FHIT: variants seen among roughly 807,000 people sequenced by gnomAD.
FHIT encodes fragile histidine triad diadenosine triphosphatase.
A neutral mutation model predicts 17.9 loss-of-function variants in FHIT; 19 were observed. The observed-to-expected ratio is 1.06, with a 90% CI of 0.74 to 1.56. The LOEUF (loss-of-function observed/expected upper bound fraction) is 1.56. Ranked by LOEUF, FHIT falls within the 40% of genes most tolerant of loss-of-function variation. The probability of loss-of-function intolerance (pLI) is 0.00; values close to 1 mark genes in which losing one functional copy is unlikely to be tolerated. For missense variants in FHIT, 248 were observed against 189.2 expected, an observed-to-expected ratio of 1.31 and a Z score of -1.82; for synonymous variants, 81 against 69.7, an observed-to-expected ratio of 1.16 and a Z score of -0.81.
At chr3:61,239,761 C>CTA (rs1491311135) in intron 1 of FHIT, among the ~76,000 whole-genome samples, 11 of 63,160 alleles carry the variant, frequency 1.7e-4, no homozygotes, top group South Asian at 5.6e-4. Flanking sequence ...AAACAACTGG[C>CTA]CATATATATA....
intron 5 of FHIT, among the ~76,000 whole-genome samples, chr3:60,325,312 T>C (rs1365401944): frequency 6.6e-5 from 10 of 152,192 alleles, no homozygotes; most frequent in Non-Finnish European, 8.8e-5. Context: ...AAGCCTCATA[T>C]TGAGTTTAGA....
intron 5 of FHIT, among the ~76,000 whole-genome samples, chr3:60,340,292 G>A (rs1445295564): frequency 1.3e-5 from 2 of 152,266 alleles, no homozygotes; most frequent in Non-Finnish European, 2.9e-5. Context: ...TAAATAGGAA[G>A]CGAGAAGAAA....
At chr3:60,731,672 T>A (rs1036081906) in intron 4 of FHIT, among the ~76,000 whole-genome samples, 1 of 152,190 alleles carries the variant, frequency 6.6e-6, no homozygotes, top group Non-Finnish European at 1.5e-5. Flanking sequence ...TTAGTGCACA[T>A]ACTTGATCCC....
intron 3 of FHIT, among the ~76,000 whole-genome samples, chr3:60,967,488 T>C (rs1192585726): frequency 6.6e-6 from 1 of 152,178 alleles, no homozygotes; most frequent in Admixed American, 6.5e-5. Flanking sequence ...GATGACTCTT[T>C]GAAAATAATA....
chr3:60,357,096 G>A (rs1699700338), intron 5 of FHIT, among the ~76,000 whole-genome samples: 1 of 152,158 alleles, frequency 6.6e-6, no homozygotes, highest in African/African-American at 2.4e-5. Flanking sequence ...TCCATGATAT[G>A]TTTTGATCTG....
intron 5 of FHIT, among the ~76,000 whole-genome samples, chr3:60,504,226 G>A (rs988894484): frequency 1.3e-5 from 2 of 152,148 alleles, no homozygotes; most frequent in South Asian, 2.1e-4. Flanking sequence ...ATGAGGTCAG[G>A]AGATCGAGAC....
intron 4 of FHIT, among the ~76,000 whole-genome samples, chr3:60,665,257 T>C (rs1215671197): frequency 2.0e-5 from 3 of 152,080 alleles, no homozygotes; most frequent in Non-Finnish European, 1.5e-5. Context: ...CTGCTGTTGT[T>C]GGATGGAGTA....
At chr3:59,872,851 T>C (rs1041918718) in intron 8 of FHIT, among the ~76,000 whole-genome samples, 23 of 152,182 alleles carry the variant, frequency 1.5e-4, no homozygotes, top group African/African-American at 5.1e-4. Flanking sequence ...TAGCTCCTTG[T>C]TGGGGGCTCC....
intron 5 of FHIT, among the ~76,000 whole-genome samples, chr3:60,195,653 T>C (rs1056680912): frequency 6.8e-6 from 1 of 146,762 alleles, no homozygotes; most frequent in Admixed American, 6.8e-5. Context: ...ATGATATATA[T>C]ACACACATAT....
At chr3:60,190,320 G>A (rs1006873292) in intron 5 of FHIT, among the ~76,000 whole-genome samples, 10 of 151,330 alleles carry the variant, frequency 6.6e-5, no homozygotes, top group Non-Finnish European at 1.2e-4. Flanking sequence ...GCAGTGAAAT[G>A]GCTAATGGCC....
rs150618196 is a variant in FHIT at position 60,409,992 on chromosome 3, A to G, written c.103+126868T>C. On this transcript the variant is annotated intron_variant, in intron 5 of 9. Coordinates refer to ENST00000492590, the MANE Select transcript of FHIT (RefSeq NM_002012.4). ...TAAATAATGGGAAAATCGAACAAAA[A>G]CAACACCCTAACAGATTTATTTTAA... Among the ~76,000 whole-genome samples, 76 of 152,316 alleles carry G rather than the reference A, an allele frequency of 5.0e-4. 1 individual carries two copies. In the East Asian group the frequency reaches 0.014, roughly 28 times the overall value.
chr3:61,228,211 T>C (rs1454060787), intron 1 of FHIT, among the ~76,000 whole-genome samples: 1 of 151,712 alleles, frequency 6.6e-6, no homozygotes, highest in Non-Finnish European at 1.5e-5. Context: ...AAGAAGGGTT[T>C]TCTGACCCTC....
intron 5 of FHIT, among the ~76,000 whole-genome samples, chr3:60,418,018 G>T (rs1253704480): frequency 6.6e-6 from 1 of 152,084 alleles, no homozygotes; most frequent in Non-Finnish European, 1.5e-5. Context: ...ATGTACATTT[G>T]TTTCACAGAT....
intron 8 of FHIT, among the ~76,000 whole-genome samples, chr3:59,857,114 G>T (rs548828341): frequency 2.4e-4 from 36 of 152,292 alleles, no homozygotes; most frequent in African/African-American, 8.2e-4. Flanking sequence ...TTCCTCTGAG[G>T]GGCACTGGAG....
At position 60,351,234 on chromosome 3, in the gene FHIT, A is replaced by T. The variant is rs191322046; in HGVS notation, c.103+185626T>A. On this transcript the variant is annotated intron_variant, in intron 5 of 9. Transcript: ENST00000492590. ...AGGGGCCTACCCCTTAATGTTAATT[A>T]ACTGTATCACTAGGCACATTGTTTA... Among the ~76,000 whole-genome samples, 54 of 152,358 alleles carry T rather than the reference A, an allele frequency of 3.5e-4. 1 individual carries two copies. The highest frequency in any genetic ancestry group is 3.7e-4 in the Non-Finnish European group (25 of 68,030).
chr3:59,871,311 C>G (rs1050370022), intron 8 of FHIT, among the ~76,000 whole-genome samples: 1 of 152,110 alleles, frequency 6.6e-6, no homozygotes, highest in African/African-American at 2.4e-5. Flanking sequence ...ACGTTTTGAT[C>G]TTATAGATAA....
At position 59,955,668 on chromosome 3, in the gene FHIT, C is replaced by A. The variant is rs1051554962; in HGVS notation, c.280-33254G>T. Among the ~76,000 whole-genome samples the A allele has an allele frequency of 3.3e-5, 5 of 152,304 alleles. 1 individual carries two copies. The South Asian group carries it at 8.3e-4, about 25-fold the overall frequency. ...CATTCCCAAACTTAGTTTTTCCTCA[C>A]CTGCTTAAATGGTATTGATACTCAA... On this transcript the variant is annotated intron_variant, in intron 7 of 9. Transcript: ENST00000492590.
intron 5 of FHIT, among the ~76,000 whole-genome samples, chr3:60,055,448 CTTTTT>C (rs4024133): frequency 7.0e-6 from 1 of 143,114 alleles, no homozygotes; most frequent in Non-Finnish European, 1.5e-5. Context: ...GATGGACTTT[CTTTTT>C]TTTTTTTTTT....
chr3:60,573,821 A>G (rs1232946882), intron 4 of FHIT, among the ~76,000 whole-genome samples: 1 of 143,842 alleles, frequency 7.0e-6, no homozygotes, highest in African/African-American at 2.6e-5. Flanking sequence ...TTTTTTTTTT[A>G]TTTTTCGAGA....
Sources: gnomAD v4.1 joint callset for allele counts (sites outside exome capture counted in the v4.1 genomes callset) on GRCh38, gnomAD v4.1.1 for gene constraint, MANE v1.5 for transcripts, NCBI Gene and HGNC (gene_info 2026-07-23, HGNC 2026-07-21) for gene names.